PALM: variants seen among roughly 807,000 people sequenced by gnomAD.
PALM encodes the protein paralemmin-1.
Under a neutral mutation model 30.7 loss-of-function variants are expected in PALM, and 18 were observed. The ratio of observed to expected loss-of-function variants is 0.59; its 90% CI spans 0.41 to 0.87. The LOEUF (loss-of-function observed/expected upper bound fraction) is 0.87, where lower values mean the gene tolerates loss of function less well. PALM is among the 40% of genes least tolerant of loss of function. The pLI, the probability that PALM is intolerant of heterozygous loss-of-function variation, is 0.00. For missense variants in PALM, 529 were observed against 555.4 expected, an observed-to-expected ratio of 0.95 and a Z score of 0.48; for synonymous variants, 286 against 242.8, an observed-to-expected ratio of 1.18 and a Z score of -1.66.
intron 6 of PALM, chr19:735,068 A>T: frequency 1.0e-6 from 1 of 987,860 alleles, no homozygotes; most frequent in Non-Finnish European, 1.2e-6. Context: ...ATGAACTGTG[A>T]GGCTGCCTGT....
intron 7 of PALM, among the ~76,000 whole-genome samples, chr19:739,429 C>T (rs1051702250): frequency 6.6e-6 from 1 of 152,108 alleles, no homozygotes; most frequent in African/African-American, 2.4e-5. Context: ...TTTATAATCC[C>T]AGGGCTTTGG....
intron 1 of PALM, among the ~76,000 whole-genome samples, chr19:724,312 C>A (rs1238843766): frequency 6.6e-6 from 1 of 152,000 alleles, no homozygotes; most frequent in African/African-American, 2.4e-5. Flanking sequence ...GGTATTCATT[C>A]ATTCATTTAT....
In PALM at chr19:746,316, C is replaced by T. The variant is rs143408577; in HGVS notation, c.666C>T (p.Asn222=). The part of the protein sequence containing the change: ...VVHAVDGTAE[N]GIHPLSSSEV... Reference sequence around the variant, plus strand: ...ATGCTGTGGACGGCACCGCCGAGAACGGGATCCACCCCCTGAGCTCCTCCG... The same window carrying T: ...ATGCTGTGGACGGCACCGCCGAGAATGGGATCCACCCCCTGAGCTCCTCCG... The change falls in exon 9 of 9, where the codon AAC becomes AAT. Residue 222 remains asparagine (N), a synonymous_variant. Coordinates refer to ENST00000338448, the MANE Select transcript of PALM (RefSeq NM_002579.3). The surrounding 1 kb of genome is among the most constrained non-coding windows in gnomAD (Gnocchi z 7.1). The T allele has an allele frequency of 1.1e-4, 181 of 1,613,420 alleles. No individual in the cohort carries two copies. The highest frequency in any genetic ancestry group is 3.3e-4 in the Middle Eastern group (2 of 6,060).
At position 709,112 on chromosome 19, in the gene PALM, C is replaced by G; in HGVS notation, c.-35C>G. Reference sequence around the variant, plus strand: ...CGCGCCACCCGCGCCCGCCCCCGCCCGGCACCGCGGACCCACCCGGACCTC... The same window carrying G: ...CGCGCCACCCGCGCCCGCCCCCGCCGGGCACCGCGGACCCACCCGGACCTC... On this transcript the variant is annotated 5_prime_UTR_variant, in exon 1 of 9. Transcript: ENST00000338448. This position sits in a 1 kb window ranked among gnomAD's most constrained non-coding sequence, Gnocchi z 4.3. 1 of 301,622 alleles carries G rather than the reference C, an allele frequency of 3.3e-6. No homozygotes were observed. The highest frequency in any genetic ancestry group is 6.1e-6 in the Non-Finnish European group (1 of 163,952). 18.7% of individuals were successfully genotyped at this position (301,622 alleles called of 1,614,324 possible).
At chr19:736,870 A>T (rs548245660) in intron 7 of PALM, among the ~76,000 whole-genome samples, 130 of 152,296 alleles carry the variant, frequency 8.5e-4, no homozygotes, top group African/African-American at 3.1e-3. Context: ...CCTGGCCAAC[A>T]TGGCGAAACC....
chr19:739,282 C>T (rs1300298429), intron 7 of PALM, among the ~76,000 whole-genome samples: 3 of 151,848 alleles, frequency 2.0e-5, no homozygotes, highest in Non-Finnish European at 2.9e-5. Flanking sequence ...GTCCTGGGAG[C>T]TTGGATGGTC....
chr19:711,490 G>A (rs983386574), intron 1 of PALM, among the ~76,000 whole-genome samples: 1 of 152,180 alleles, frequency 6.6e-6, no homozygotes. Flanking sequence ...GAAAGTCTCC[G>A]TTGGGTGCTA....
In PALM at chr19:727,828, A is replaced by G. The variant is rs1385544052; in HGVS notation, c.269+134A>G. 3.5e-5 allele frequency: 29 copies of G among 835,138 alleles called. No homozygotes were observed. In the South Asian group the frequency reaches 4.6e-4, roughly 13 times the overall value. 51.7% of individuals were successfully genotyped at this position (835,138 alleles called of 1,614,324 possible). A position where few individuals can be genotyped will look rare whatever the true frequency, so the allele number is the denominator to read the frequency against. On this transcript the variant is annotated intron_variant, in intron 4 of 8. Coordinates refer to ENST00000338448, the MANE Select transcript of PALM (RefSeq NM_002579.3). ...CGTGGACCGGGCAGGCCAGGACCCA[A>G]CATGCTTTGAGGGGGACGCAGGACG...
chr19:747,168 G>A lies in PALM; in HGVS notation c.*354G>A. The A allele has an allele frequency of 4.2e-6, 1 of 238,274 alleles. No individual in the cohort carries two copies. The highest frequency in any genetic ancestry group is 8.2e-6 in the Non-Finnish European group (1 of 121,816). 14.8% of individuals were successfully genotyped at this position (238,274 alleles called of 1,614,324 possible). ...GACCCGCAGCCTCCACGCGGCCCAG[G>A]CCAGCCTGCCACCCTCTGGGCCTCC... On this transcript the variant is annotated 3_prime_UTR_variant, in exon 9 of 9. Transcript: ENST00000338448.
intron 8 of PALM, among the ~76,000 whole-genome samples, chr19:741,473 CGGGCTGCAGGGGTGAGGGGAGCT>C (rs2033190434): frequency 1.9e-5 from 2 of 105,358 alleles, no homozygotes; most frequent in African/African-American, 7.3e-5. Flanking sequence ...TGAGGGGAGA[CGGGCTGCAGGGGTGAGGGGAGCT>C]GGGCTGCAGG....
At chr19:734,011 C>T (rs1324312614) in intron 5 of PALM, among the ~76,000 whole-genome samples, 162 bp from the exon 6 acceptor site, 5 of 152,102 alleles carry the variant, frequency 3.3e-5, no homozygotes, top group Non-Finnish European at 7.4e-5. Flanking sequence ...AGAAAGATGA[C>T]CTCTGTGTTT....
At chr19:719,567 A>C (rs1190821755) in intron 1 of PALM, 1 of 986,252 alleles carries the variant, frequency 1.0e-6, no homozygotes, top group African/African-American at 1.7e-5. Flanking sequence ...GACCCCCAGC[A>C]CCTGCCCTGG....
intron 1 of PALM, among the ~76,000 whole-genome samples, chr19:721,362 T>C (rs1455438329): frequency 1.3e-5 from 2 of 151,968 alleles, no homozygotes; most frequent in Non-Finnish European, 2.9e-5. Flanking sequence ...ACCTCCCGGG[T>C]TCAAGTGATC....
At chr19:728,948 G>A (rs1181174688) in intron 4 of PALM, among the ~76,000 whole-genome samples, 3 of 152,030 alleles carry the variant, frequency 2.0e-5, no homozygotes, top group Non-Finnish European at 4.4e-5. Flanking sequence ...AGCTTGCAGT[G>A]AGCCAAGATC....
rs1242612938 is a variant in PALM, at chr19:723,093, C to T, written c.6-3045C>T. Among the ~76,000 whole-genome samples the T allele has an allele frequency of 2.0e-5, 3 of 151,412 alleles. No individual in the cohort carries two copies. The East Asian group carries it at 5.8e-4, about 29-fold the overall frequency. ...CTCCCAGGCGGGGCTGGGGGTGAGC[C>T]AGTGCACTGTGCAGTTTCATTTTCT... On this transcript the variant is annotated intron_variant, in intron 1 of 8. Transcript: ENST00000338448.
chr19:726,709 G>T (rs1378882157), intron 2 of PALM, among the ~76,000 whole-genome samples: 10 of 152,168 alleles, frequency 6.6e-5, no homozygotes, highest in African/African-American at 2.4e-4. Flanking sequence ...CACCATGTTG[G>T]CCAGGCTGGT....
At chr19:723,634 C>T (rs1169188180) in intron 1 of PALM, among the ~76,000 whole-genome samples, 1 of 76,164 alleles carries the variant, frequency 1.3e-5, no homozygotes, top group Non-Finnish European at 2.7e-5. Context: ...CTTTGTTGCC[C>T]TGGCTGGAGT....
intron 6 of PALM, chr19:735,004 A>T: frequency 1.1e-6 from 1 of 937,044 alleles, no homozygotes; most frequent in Non-Finnish European, 1.3e-6. Flanking sequence ...CATTAAAAAA[A>T]TCCAGACAGG....
At position 727,167 on chromosome 19, in the gene PALM, G is replaced by T. The variant is rs559278070; in HGVS notation, c.138+79G>T. 5.3e-5 allele frequency: 49 copies of T among 931,854 alleles called. No individual in the cohort carries two copies. The East Asian group carries it at 1.2e-3, about 23-fold the overall frequency. The allele number at this position is 931,854 out of a possible 1,614,324, so 57.7% of individuals were successfully genotyped here. A position where few individuals can be genotyped will look rare whatever the true frequency, so the allele number is the denominator to read the frequency against. On this transcript the variant is annotated intron_variant, in intron 3 of 8. Coordinates refer to ENST00000338448, the MANE Select transcript of PALM (RefSeq NM_002579.3). ...AGGCCCCGGACTCCTGCCCAACCCT[G>T]ACCCTGACCCCAATCCCAACCTGAC...
Sources: allele counts gnomAD v4.1 joint callset (sites outside exome capture counted in the v4.1 genomes callset), GRCh38; gene constraint gnomAD v4.1.1; non-coding constraint Gnocchi (gnomAD v3.1); transcripts MANE v1.5; gene names NCBI Gene and HGNC (gene_info 2026-07-23, HGNC 2026-07-21).